OR8H3: variants seen among roughly 807,000 people sequenced by gnomAD.
OR8H3 encodes the protein olfactory receptor 8H3.
For synonymous variants in OR8H3, 143 were observed against 136.4 expected, an observed-to-expected ratio of 1.05 and a Z score of -0.34; for missense variants, 381 against 370.8, an observed-to-expected ratio of 1.03 and a Z score of -0.23.
Position 56,123,024 on chromosome 11 carries a change from T to C in OR8H3, c.652T>C (p.Tyr218His), listed in dbSNP as rs1337807152. Residue 218 changes from tyrosine to histidine, a missense_variant, in exon 1 of 1, where the codon TAT (tyrosine) becomes CAT (histidine). By Grantham distance (83) the Tyr-to-His change is moderately conservative. Transcript: ENST00000313472. ...GTCCCTTATCACAATATCTGCATCCTATGTGTCCATTCTCTCTACCATCCT... is the reference window on the plus strand; with the variant it reads ...GTCCCTTATCACAATATCTGCATCCCATGTGTCCATTCTCTCTACCATCCT... ...MVSLITISAS[Y>H]VSILSTILKI... is the part of the protein sequence containing the mutation. 6 of 1,614,104 alleles carry C rather than the reference T, an allele frequency of 3.7e-6. No homozygotes were observed. In the Admixed American group the frequency reaches 8.3e-5, roughly 22 times the overall value.
In OR8H3 at chr11:56,122,746, C is replaced by G. The variant is rs771350543; in HGVS notation, c.374C>G (p.Ala125Gly). The change falls in exon 1 of 1, where the codon GCG becomes GGG. Residue 125 changes from alanine (A) to glycine (G), a missense_variant. Ala to Gly is a moderately conservative substitution (Grantham distance 60). Coordinates refer to ENST00000313472, the MANE Select transcript of OR8H3 (RefSeq NM_001005201.1). Reference protein sequence around the residue: ...LSSMAYDRYAAICSPLHYTVI... With the variant: ...LSSMAYDRYAGICSPLHYTVI... ...TCAATGGCCTATGATCGCTATGCAG[C>G]GATCTGCAGTCCTCTACACTACACA... 3.7e-6 allele frequency: 6 copies of G among 1,614,160 alleles called. No homozygotes were observed. The highest frequency in any genetic ancestry group is 5.1e-6 in the Non-Finnish European group (6 of 1,180,024).
rs752243837 is a variant in OR8H3, at chr11:56,122,989, C to T, written c.617C>T (p.Thr206Ile). 3.7e-6 allele frequency: 6 copies of T among 1,614,094 alleles called. No homozygotes were observed. Among genetic ancestry groups the T allele is most frequent in the Non-Finnish European group, 5.1e-6 (6 of 1,180,046 alleles). Residue 206 changes from threonine to isoleucine, a missense_variant, in exon 1 of 1, where the codon ACC becomes ATC. Physicochemically the swap from Thr to Ile is moderately conservative, Grantham distance 89. Coordinates refer to ENST00000313472, the MANE Select transcript of OR8H3 (RefSeq NM_001005201.1). The stretch of plus-strand genomic sequence containing the variant: ...CTGATATTCATTATCGCTGGTTCCA[C>T]CCTGATGGTGTCCCTTATCACAATA... ...EMLIFIIAGS[T>I]LMVSLITISA...
In OR8H3 at chr11:56,122,912, C is replaced by A. The variant is rs755794918; in HGVS notation, c.540C>A (p.Asp180Glu). 1 of 1,614,160 alleles carries A rather than the reference C, an allele frequency of 6.2e-7. No homozygotes were observed. The highest frequency in any genetic ancestry group is 1.1e-5 in the South Asian group (1 of 91,082). ...ACATAATTCATCACTTTTTCTGTGA[C>A]ACTTCCCCAATTTTAGCTCTGTCCT... ...DSNIIHHFFC[D>E]TSPILALSCT... The change falls in exon 1 of 1, where the codon GAC becomes GAA. Residue 180 changes from aspartate to glutamate, a missense_variant. Coordinates refer to ENST00000313472, the MANE Select transcript of OR8H3 (RefSeq NM_001005201.1).
rs375397632 is a variant in OR8H3 at position 56,122,950 on chromosome 11, A to T, written c.578A>T (p.Asp193Val). The change falls in exon 1 of 1, where the codon GAC becomes GTC. Residue 193 changes from aspartate (D) to valine (V), a missense_variant. Asp to Val is a radical substitution (Grantham distance 152). Coordinates refer to ENST00000313472, the MANE Select transcript of OR8H3 (RefSeq NM_001005201.1). ...TTAGCTCTGTCCTGCACTGACACAG[A>T]CAACACTGAAATGCTGATATTCATT... ...PILALSCTDT[D>V]NTEMLIFIIA... 10 of 1,614,076 alleles carry T rather than the reference A, an allele frequency of 6.2e-6. No homozygotes were observed. The African/African-American group carries it at 1.3e-4, about 22-fold the overall frequency.
At position 56,123,095 on chromosome 11, in the gene OR8H3, C is replaced by A; in HGVS notation, c.723C>A (p.Cys241Ter). Residue 241 changes from cysteine (C) to a stop codon, truncating the protein, a stop_gained, in exon 1 of 1, where the codon TGC becomes TGA. Coordinates refer to ENST00000313472, the MANE Select transcript of OR8H3 (RefSeq NM_001005201.1). LOFTEE classifies it low-confidence loss of function (END_TRUNC). The part of the protein sequence containing the change: ...TSGKQKAFST[C>*]VSHLLGVTIF... ...GAAAGCAGAAAGCTTTCTCTACTTG[C>A]GTCTCTCATCTCTTGGGAGTCACCA... 3 of 1,613,936 alleles carry A rather than the reference C, an allele frequency of 1.9e-6. No homozygotes were observed. The highest frequency in any genetic ancestry group is 2.5e-6 in the Non-Finnish European group (3 of 1,179,860).
chr11:56,122,416 T>C lies in OR8H3; in HGVS notation c.44T>C (p.Leu15Pro). 5.6e-6 allele frequency: 9 copies of C among 1,614,082 alleles called. No homozygotes were observed. The highest frequency in any genetic ancestry group is 7.6e-6 in the Non-Finnish European group (9 of 1,179,972). Residue 15 changes from leucine to proline, a missense_variant, in exon 1 of 1, where the codon CTT becomes CCT. Physicochemically the swap from Leu to Pro is moderately conservative, Grantham distance 98 (BLOSUM62 -3). Coordinates refer to ENST00000313472, the MANE Select transcript of OR8H3 (RefSeq NM_001005201.1). The part of the protein sequence containing the change: ...RNDTNVADFI[L>P]TGLSDSEEVQ... ...GACACAAATGTGGCTGACTTCATCC[T>C]TACGGGACTGTCAGACTCTGAAGAG...
Position 56,122,686 on chromosome 11 carries a change from T to C in OR8H3, c.314T>C (p.Val105Ala), listed in dbSNP as rs557395205. Residue 105 changes from valine to alanine, a missense_variant, in exon 1 of 1, where the codon GTC becomes GCC. Val to Ala is a moderately conservative substitution (Grantham distance 64, BLOSUM62 0). Transcript: ENST00000313472. Reference sequence around the variant, plus strand: ...TGCTTTGCCCAGATGTTCTGTTTTGTCTTCTTGGGTACTGCTGAATGTTAT... The same window carrying C: ...TGCTTTGCCCAGATGTTCTGTTTTGCCTTCTTGGGTACTGCTGAATGTTAT... Reference protein sequence around the residue: ...TGCFAQMFCFVFLGTAECYLL... With the variant: ...TGCFAQMFCFAFLGTAECYLL... 38 of 1,614,156 alleles carry C rather than the reference T, an allele frequency of 2.4e-5. No homozygotes were observed. The African/African-American group carries it at 2.7e-4, about 11-fold the overall frequency.
rs1294601708 is a variant in OR8H3 at position 56,122,906 on chromosome 11, C to T, written c.534C>T (p.Phe178=). ...FCDSNIIHHF[F]CDTSPILALS... ...ACTCAAACATAATTCATCACTTTTT[C>T]TGTGACACTTCCCCAATTTTAGCTC... is the stretch of plus-strand genomic sequence containing the variant. The change falls in exon 1 of 1, where the codon TTC becomes TTT. Residue 178 remains phenylalanine, a synonymous_variant. Coordinates refer to ENST00000313472, the MANE Select transcript of OR8H3 (RefSeq NM_001005201.1). 4 of 1,614,030 alleles carry T rather than the reference C, an allele frequency of 2.5e-6. No individual in the cohort carries two copies. Among genetic ancestry groups the T allele is most frequent in the Non-Finnish European group, 3.4e-6 (4 of 1,180,016 alleles).
Position 56,123,211 on chromosome 11 carries a change from T to C in OR8H3, c.839T>C (p.Ile280Thr). ...CAAGTGGCTCCTGTGTTTTATACTA[T>C]TGTGATTCCCATGCTGAATCCACTC... Reference protein sequence around the residue: ...RDQVAPVFYTIVIPMLNPLIY... With the variant: ...RDQVAPVFYTTVIPMLNPLIY... The change falls in exon 1 of 1, where the codon ATT becomes ACT. Residue 280 changes from isoleucine (I) to threonine (T), a missense_variant. Transcript: ENST00000313472. The C allele has an allele frequency of 1.2e-6, 2 of 1,613,224 alleles. No individual in the cohort carries two copies. The highest frequency in any genetic ancestry group is 2.2e-5 in the East Asian group (1 of 44,858).
In OR8H3 at chr11:56,123,178, G is replaced by A. The variant is rs144272907; in HGVS notation, c.806G>A (p.Gly269Glu). ...YLKPRKSYSL[G>E]RDQVAPVFYT... ...AAGCCAAGAAAGTCTTATTCCTTGG[G>A]AAGAGATCAAGTGGCTCCTGTGTTT... Residue 269 changes from glycine (G) to glutamate (E), a missense_variant, in exon 1 of 1, where the codon GGA (glycine) becomes GAA (glutamate). Gly to Glu is a moderately conservative substitution (Grantham distance 98). Transcript: ENST00000313472. 1.2e-3 allele frequency: 1,997 copies of A among 1,613,478 alleles called. 38 individuals are homozygous for A. The South Asian group carries it at 0.021, about 17-fold the overall frequency.
chr11:56,122,939 C>T lies in OR8H3; in HGVS notation c.567C>T (p.Cys189=). 6.2e-7 allele frequency: 1 copy of T among 1,614,160 alleles called. No individual in the cohort carries two copies. The highest frequency in any genetic ancestry group is 8.5e-7 in the Non-Finnish European group (1 of 1,180,012). Residue 189 remains cysteine (C), a synonymous_variant, in exon 1 of 1, where the codon TGC becomes TGT. Transcript: ENST00000313472. ...CDTSPILALS[C]TDTDNTEMLI... ...CTTCCCCAATTTTAGCTCTGTCCTG[C>T]ACTGACACAGACAACACTGAAATGC...
chr11:56,122,703 G>GA lies in OR8H3; in HGVS notation c.333dup (p.Cys112MetfsTer10). 6.2e-7 allele frequency: 1 copy of GA among 1,614,184 alleles called. No homozygotes were observed. The highest frequency in any genetic ancestry group is 8.5e-7 in the Non-Finnish European group (1 of 1,180,030). ...CTGTTTTGTCTTCTTGGGTACTGCTGAATGTTATCTTCTCTCCTCAATGGC... is the reference window on the plus strand; with the variant it reads ...CTGTTTTGTCTTCTTGGGTACTGCTGAAATGTTATCTTCTCTCCTCAATGGC... On this transcript the variant is annotated frameshift_variant, in exon 1 of 1. Transcript: ENST00000313472. LOFTEE classifies it low-confidence loss of function (END_TRUNC).
At position 56,122,703 on chromosome 11, in the gene OR8H3, G is replaced by C; in HGVS notation, c.331G>C (p.Glu111Gln). 6 of 1,614,184 alleles carry C rather than the reference G, an allele frequency of 3.7e-6. No individual in the cohort carries two copies. The highest frequency in any genetic ancestry group is 5.1e-6 in the Non-Finnish European group (6 of 1,180,030). ...CTGTTTTGTCTTCTTGGGTACTGCT[G>C]AATGTTATCTTCTCTCCTCAATGGC... ...MFCFVFLGTAECYLLSSMAYD... is the reference protein window; with the variant it reads ...MFCFVFLGTAQCYLLSSMAYD... Residue 111 changes from glutamate (E) to glutamine (Q), a missense_variant, in exon 1 of 1, where the codon GAA (glutamate) becomes CAA (glutamine). Physicochemically the swap from Glu to Gln is conservative, Grantham distance 29. Coordinates refer to ENST00000313472, the MANE Select transcript of OR8H3 (RefSeq NM_001005201.1).
Position 56,123,273 on chromosome 11 carries a change from C to T in OR8H3, c.901C>T (p.Leu301Phe). The T allele has an allele frequency of 1.2e-5, 20 of 1,606,962 alleles. No homozygotes were observed. Among genetic ancestry groups the T allele is most frequent in the Non-Finnish European group, 1.7e-5 (20 of 1,176,158 alleles). ...TAGAAACAGAGAAGTGAAAAATGCT[C>T]TCATTAGAGTCATGCAGAGAAGACA... is the stretch of plus-strand genomic sequence containing the variant. ...SLRNREVKNA[L>F]IRVMQRRQDS... Residue 301 changes from leucine (L) to phenylalanine (F), a missense_variant, in exon 1 of 1, where the codon CTC becomes TTC. By Grantham distance (22) the Leu-to-Phe change is conservative. Coordinates refer to ENST00000313472, the MANE Select transcript of OR8H3 (RefSeq NM_001005201.1).
rs368917683 is a variant in OR8H3 at position 56,122,717 on chromosome 11, C to T, written c.345C>T (p.Leu115=). The change falls in exon 1 of 1, where the codon CTC becomes CTT. Residue 115 remains leucine, a synonymous_variant. Transcript: ENST00000313472. ...VFLGTAECYL[L]SSMAYDRYAA... ...TGGGTACTGCTGAATGTTATCTTCT[C>T]TCCTCAATGGCCTATGATCGCTATG... 37 of 1,614,078 alleles carry T rather than the reference C, an allele frequency of 2.3e-5. No homozygotes were observed. The highest frequency in any genetic ancestry group is 6.8e-6 in the Non-Finnish European group (8 of 1,180,040).
rs140813125 is a variant in OR8H3 at position 56,122,837 on chromosome 11, C to T, written c.465C>T (p.Asp155=). Residue 155 remains aspartate, a synonymous_variant, in exon 1 of 1, where the codon GAC becomes GAT. Coordinates refer to ENST00000313472, the MANE Select transcript of OR8H3 (RefSeq NM_001005201.1). ...GGCCTTATGTGATTGGCTTTATGGA[C>T]TCCTTTGTCAATGTGGTTTCCATGA... ...ITGPYVIGFM[D]SFVNVVSMSR... is the part of the protein sequence containing the mutation. The T allele has an allele frequency of 6.2e-7, 1 of 1,614,144 alleles. No homozygotes were observed.
rs776377542 is a variant in OR8H3, at chr11:56,123,249, A to G, written c.877A>G (p.Arg293Gly). ...PMLNPLIYSLRNREVKNALIR... is the reference protein window; with the variant it reads ...PMLNPLIYSLGNREVKNALIR... ...GCTGAATCCACTCATTTATAGTCTT[A>G]GAAACAGAGAAGTGAAAAATGCTCT... The change falls in exon 1 of 1, where the codon AGA becomes GGA. Residue 293 changes from arginine (R) to glycine (G), a missense_variant. Coordinates refer to ENST00000313472, the MANE Select transcript of OR8H3 (RefSeq NM_001005201.1). The G allele has an allele frequency of 4.3e-6, 7 of 1,610,996 alleles. No homozygotes were observed. The African/African-American group carries it at 5.4e-5, about 12-fold the overall frequency.
In OR8H3 at chr11:56,122,696, T is replaced by A; in HGVS notation, c.324T>A (p.Gly108=). 1 of 1,614,210 alleles carries A rather than the reference T, an allele frequency of 6.2e-7. No homozygotes were observed. Among genetic ancestry groups the A allele is most frequent in the African/African-American group, 1.3e-5 (1 of 75,074 alleles). ...AGATGTTCTGTTTTGTCTTCTTGGGTACTGCTGAATGTTATCTTCTCTCCT... is the reference window on the plus strand; with the variant it reads ...AGATGTTCTGTTTTGTCTTCTTGGGAACTGCTGAATGTTATCTTCTCTCCT... ...FAQMFCFVFL[G]TAECYLLSSM... The change falls in exon 1 of 1, where the codon GGT becomes GGA. Residue 108 remains glycine, a synonymous_variant. Coordinates refer to ENST00000313472, the MANE Select transcript of OR8H3 (RefSeq NM_001005201.1).
In OR8H3 at chr11:56,123,222, A is replaced by C; in HGVS notation, c.850A>C (p.Met284Leu). 1.2e-6 allele frequency: 2 copies of C among 1,613,096 alleles called. No individual in the cohort carries two copies. The highest frequency in any genetic ancestry group is 8.5e-7 in the Non-Finnish European group (1 of 1,179,112). The change falls in exon 1 of 1, where the codon ATG becomes CTG. Residue 284 changes from methionine (M) to leucine (L), a missense_variant. Met to Leu is a conservative substitution (Grantham distance 15). Transcript: ENST00000313472. Reference sequence around the variant, plus strand: ...TGTGTTTTATACTATTGTGATTCCCATGCTGAATCCACTCATTTATAGTCT... The same window carrying C: ...TGTGTTTTATACTATTGTGATTCCCCTGCTGAATCCACTCATTTATAGTCT... Reference protein sequence around the residue: ...APVFYTIVIPMLNPLIYSLRN... With the variant: ...APVFYTIVIPLLNPLIYSLRN...
Sources: gnomAD v4.1 joint callset for allele counts on GRCh38, gnomAD v4.1.1 for gene constraint, MANE v1.5 for transcripts, NCBI Gene and HGNC (gene_info 2026-07-23, HGNC 2026-07-21) for gene names.